GLIS3: variants seen among roughly 807,000 people sequenced by gnomAD.
GLIS3 encodes the protein zinc finger protein GLIS3.
A neutral mutation model predicts 78.6 loss-of-function variants in GLIS3; 53 were observed. The ratio of observed to expected loss-of-function variants is 0.67; its 90% confidence interval spans 0.54 to 0.85. The LOEUF (loss-of-function observed/expected upper bound fraction) is 0.85, where lower values mean the gene tolerates loss of function less well. Among genes scored for constraint, GLIS3 ranks in the 40% least tolerant of loss-of-function variants. The probability of loss-of-function intolerance (pLI) is 0.00; values close to 1 mark genes in which losing one functional copy is unlikely to be tolerated. For missense variants in GLIS3, 1,703 were observed against 1,231.1 expected (o/e 1.38, Z -5.74); for synonymous variants, 684 against 509.9 (o/e 1.34, Z -4.60).
intron 9 of GLIS3, among the ~76,000 whole-genome samples, chr9:3,842,425 T>C (rs10121644): frequency 0.026 from 3,897 of 152,232 alleles, 158 homozygotes; most frequent in African/African-American, 0.089. Flanking sequence ...TGAGCCTAGA[T>C]CACACCACTG....
At chr9:4,020,733 A>G (rs1434592430) in intron 4 of GLIS3, among the ~76,000 whole-genome samples, 1 of 152,230 alleles carries the variant, frequency 6.6e-6, no homozygotes, top group Non-Finnish European at 1.5e-5. Flanking sequence ...GTCAGATTAT[A>G]AATGTCTGAT....
At chr9:4,078,855 A>G (rs1462160972) in intron 4 of GLIS3, among the ~76,000 whole-genome samples, 1 of 152,180 alleles carries the variant, frequency 6.6e-6, no homozygotes, top group Non-Finnish European at 1.5e-5. Flanking sequence ...AGGGCATTGG[A>G]TCATCAGAAT....
intron 2 of GLIS3, among the ~76,000 whole-genome samples, chr9:4,236,349 T>C (rs1198006116): frequency 2.0e-5 from 3 of 152,128 alleles, no homozygotes; most frequent in African/African-American, 4.8e-5. Flanking sequence ...CTTATTAAAG[T>C]TGTGAGTTTT....
chr9:4,210,126 C>T (rs1474811614), intron 2 of GLIS3, among the ~76,000 whole-genome samples: 3 of 152,192 alleles, frequency 2.0e-5, no homozygotes, highest in Non-Finnish European at 2.9e-5. Flanking sequence ...ATGCTTTCTT[C>T]AGAACAATAC....
chr9:3,958,543 A>G (rs1817317067), intron 4 of GLIS3, among the ~76,000 whole-genome samples: 1 of 152,160 alleles, frequency 6.6e-6, no homozygotes, highest in Admixed American at 6.5e-5. Context: ...AAAGGCTTCC[A>G]TTCTTAAGTG....
At chr9:4,309,158 C>T (rs964127102) in intron 3 of GLIS3, among the ~76,000 whole-genome samples, 2 of 152,202 alleles carry the variant, frequency 1.3e-5, no homozygotes, top group Non-Finnish European at 2.9e-5. Context: ...AGCTGTTCAA[C>T]CTTTTGTGTA....
intron 2 of GLIS3, among the ~76,000 whole-genome samples, chr9:4,164,389 A>C (rs1011190388): frequency 1.3e-5 from 2 of 152,328 alleles, no homozygotes; most frequent in South Asian, 2.1e-4. Context: ...ATTAATTGGA[A>C]TTTTCCAGAG....
chr9:3,962,471 G>C lies in GLIS3; in HGVS notation c.1711-25282C>G, dbSNP rs562652784. On this transcript the variant is annotated intron_variant, in intron 4 of 10. Coordinates refer to ENST00000381971, the MANE Select transcript of GLIS3 (RefSeq NM_001042413.2). ...AATCTTAATTTTCTCTTTTTAAAGG[G>C]GGTACCAGTTCCCTAATGAAAATTA... Among the ~76,000 whole-genome samples the C allele has an allele frequency of 5.0e-4, 76 of 152,070 alleles. 1 individual carries two copies. In the South Asian group the frequency reaches 0.015, roughly 30 times the overall value.
intron 2 of GLIS3, among the ~76,000 whole-genome samples, chr9:4,197,849 G>A: frequency 6.6e-6 from 1 of 152,074 alleles, no homozygotes; most frequent in African/African-American, 2.4e-5. Flanking sequence ...CAACCAAAGT[G>A]CACAGGGCTG....
At chr9:4,319,000 T>C (rs1303139059) in intron 2 of GLIS3, among the ~76,000 whole-genome samples, 1 of 152,126 alleles carries the variant, frequency 6.6e-6, no homozygotes, top group Non-Finnish European at 1.5e-5. Context: ...CATAAGGAAA[T>C]GATCAAGCAC....
intron 9 of GLIS3, among the ~76,000 whole-genome samples, chr9:3,854,548 T>TG (rs1044874124): frequency 6.6e-6 from 1 of 151,314 alleles, no homozygotes; most frequent in African/African-American, 2.4e-5. Context: ...ATGTTCTTTT[T>TG]TTTTTTGAGA....
At chr9:4,091,414 C>T (rs1238444444) in intron 4 of GLIS3, among the ~76,000 whole-genome samples, 1 of 151,924 alleles carries the variant, frequency 6.6e-6, no homozygotes. Flanking sequence ...AAGATTGGTA[C>T]ACGGTAAGCA....
chr9:4,332,730 C>T (rs1052825075), intron 2 of GLIS3, among the ~76,000 whole-genome samples: 10 of 152,200 alleles, frequency 6.6e-5, no homozygotes, highest in African/African-American at 2.4e-4. Context: ...GGGAGTCAGC[C>T]TCATGTGCTC....
intron 6 of GLIS3, among the ~76,000 whole-genome samples, chr9:3,900,185 T>G (rs1746573596): frequency 7.4e-6 from 1 of 134,896 alleles, no homozygotes; most frequent in South Asian, 2.4e-4. Context: ...ACAGAAACTG[T>G]TAAAAAAAAA....
intron 4 of GLIS3, among the ~76,000 whole-genome samples, chr9:3,976,843 A>AAAAAAAAAG (rs1818842174): frequency 8.9e-6 from 1 of 112,374 alleles, no homozygotes; most frequent in African/African-American, 3.5e-5. Flanking sequence ...AAAAAAAAAA[A>AAAAAAAAAG]TCCACAATCG....
the GLIS3 span, among the ~76,000 whole-genome samples, chr9:4,412,605 A>G: frequency 2.0e-5 from 3 of 152,178 alleles, no homozygotes; most frequent in South Asian, 2.1e-4. Context: ...CACTGGGTGA[A>G]GGGCAATATT....
chr9:4,226,943 G>C lies in GLIS3; in HGVS notation c.388+59095C>G, dbSNP rs147600582. 9.2e-5 allele frequency among the ~76,000 whole-genome samples: 14 copies of C among 152,336 alleles called. No homozygotes were observed. In the East Asian group the frequency reaches 2.7e-3, roughly 29 times the overall value. ...GGGAATCAGAATTATTCATGCTTAA[G>C]AGGTGCATAGCTGATCTCAGCCATA... On this transcript the variant is annotated intron_variant, in intron 2 of 10. Coordinates refer to ENST00000381971, the MANE Select transcript of GLIS3 (RefSeq NM_001042413.2).
At chr9:4,406,863 T>C in the GLIS3 span, among the ~76,000 whole-genome samples, 2,547 of 152,310 alleles carry the variant, frequency 0.017, 68 homozygotes, top group African/African-American at 0.055. Context: ...AAAATGTTTA[T>C]ACTAGCCAAA....
the GLIS3 span, among the ~76,000 whole-genome samples, chr9:4,434,769 C>T: frequency 1.3e-5 from 2 of 152,150 alleles, no homozygotes; most frequent in African/African-American, 2.4e-5. Flanking sequence ...TTTCTCACTC[C>T]ATTAAGTTAA....
Sources: gnomAD v4.1 joint callset for allele counts (sites outside exome capture counted in the v4.1 genomes callset) on GRCh38, gnomAD v4.1.1 for gene constraint, MANE v1.5 for transcripts, NCBI Gene and HGNC (gene_info 2026-07-23, HGNC 2026-07-21) for gene names.